RIMS2: variants seen among roughly 807,000 people sequenced by gnomAD.
RIMS2 encodes regulating synaptic membrane exocytosis protein 2.
In RIMS2, 59 loss-of-function variants were observed where a neutral mutation model predicts 174.4. The observed-to-expected ratio is 0.34, with a 90% CI of 0.27 to 0.42. RIMS2 has a LOEUF of 0.42. Among genes scored for constraint, RIMS2 ranks in the 10% least tolerant of loss-of-function variants. The pLI, the probability that RIMS2 is intolerant of heterozygous loss-of-function variation, is 1.00. For synonymous variants in RIMS2, 606 were observed against 572.5 expected, an observed-to-expected ratio of 1.06 and a Z score of -0.84; for missense variants, 1,620 against 1,666.3, an observed-to-expected ratio of 0.97 and a Z score of 0.48.
intron 1 of RIMS2, among the ~76,000 whole-genome samples, chr8:103,695,337 A>T (rs565823318): frequency 6.6e-6 from 1 of 152,114 alleles, no homozygotes; most frequent in Admixed American, 6.6e-5. Flanking sequence ...TGCTTATGTC[A>T]GTCTCCATTG....
chr8:103,939,041 C>T (rs1217646588), intron 13 of RIMS2, among the ~76,000 whole-genome samples: 1 of 152,148 alleles, frequency 6.6e-6, no homozygotes, highest in African/African-American at 2.4e-5. Flanking sequence ...CCCAGGTGCA[C>T]AGTGCAAGCT....
chr8:103,522,581 C>A (rs1832238127), intron 1 of RIMS2, among the ~76,000 whole-genome samples: 1 of 152,076 alleles, frequency 6.6e-6, no homozygotes, highest in South Asian at 2.1e-4. Flanking sequence ...TGTCATTTTC[C>A]CATTTGATAC....
At chr8:104,213,325 T>C (rs1165130371) in intron 19 of RIMS2, among the ~76,000 whole-genome samples, 2 of 152,080 alleles carry the variant, frequency 1.3e-5, no homozygotes, top group Non-Finnish European at 2.9e-5. Context: ...AGAAAAGTCT[T>C]CTTCCTTCTG....
At chr8:103,805,414 T>A (rs920413353) in intron 3 of RIMS2, among the ~76,000 whole-genome samples, 1 of 152,132 alleles carries the variant, frequency 6.6e-6, no homozygotes, top group Non-Finnish European at 1.5e-5. Flanking sequence ...AAATAAATAG[T>A]ACAGAGAGTC....
intron 19 of RIMS2, among the ~76,000 whole-genome samples, chr8:104,112,725 C>G (rs889413275): frequency 6.6e-6 from 1 of 152,170 alleles, no homozygotes; most frequent in Non-Finnish European, 1.5e-5. Flanking sequence ...ATTTTAGGTT[C>G]ATGGGAGCAA....
chr8:103,619,166 A>ATTCTT (rs2095575183), intron 1 of RIMS2, among the ~76,000 whole-genome samples: 1 of 151,968 alleles, frequency 6.6e-6, no homozygotes, highest in Non-Finnish European at 1.5e-5. Flanking sequence ...AAGTAACAAG[A>ATTCTT]GAACCAAAAC....
At chr8:103,613,591 T>A (rs2095437459) in intron 1 of RIMS2, among the ~76,000 whole-genome samples, 1 of 152,162 alleles carries the variant, frequency 6.6e-6, no homozygotes, top group Non-Finnish European at 1.5e-5. Flanking sequence ...ATAGTTTCCT[T>A]TAGGTCTCCC....
chr8:103,791,161 G>A (rs528889111), intron 3 of RIMS2, among the ~76,000 whole-genome samples: 1 of 152,150 alleles, frequency 6.6e-6, no homozygotes, highest in Non-Finnish European at 1.5e-5. Flanking sequence ...AATGTTAAGG[G>A]CAGCCAGAGA....
chr8:103,608,585 C>G lies in RIMS2; in HGVS notation c.177-88501C>G, dbSNP rs1257856036. On this transcript the variant is annotated intron_variant, in intron 1 of 23. Transcript: ENST00000504942. ...CTGGGCAATGGTGGGCGCCCCTCCC[C>G]CAGCCTCGCTGCCGCCTTGCAGTTT... Among the ~76,000 whole-genome samples the G allele has an allele frequency of 6.8e-5, 10 of 148,044 alleles. 1 individual carries two copies. The highest frequency in any genetic ancestry group is 1.0e-4 in the African/African-American group (4 of 39,576).
chr8:104,028,553 C>T (rs1470884986), intron 19 of RIMS2, among the ~76,000 whole-genome samples: 4 of 152,076 alleles, frequency 2.6e-5, no homozygotes, highest in Admixed American at 1.3e-4. Flanking sequence ...GCTTGAGTTT[C>T]AGTATAAAGC....
chr8:104,100,978 G>T (rs368303876), intron 19 of RIMS2, among the ~76,000 whole-genome samples: 4 of 104,316 alleles, frequency 3.8e-5, no homozygotes, highest in Admixed American at 2.0e-4. Flanking sequence ...TAGTATATAT[G>T]ATATATTATA....
intron 19 of RIMS2, among the ~76,000 whole-genome samples, chr8:104,067,860 G>A (rs921894015): frequency 6.6e-5 from 10 of 152,030 alleles, no homozygotes; most frequent in African/African-American, 1.9e-4. Context: ...GAGGCTTACC[G>A]TCTTGCTTTC....
intron 19 of RIMS2, among the ~76,000 whole-genome samples, chr8:104,079,886 G>A (rs1277311728): frequency 4.0e-5 from 6 of 151,614 alleles, no homozygotes; most frequent in East Asian, 1.9e-4. Flanking sequence ...GTGAATGAAC[G>A]TGGACGTGGA....
chr8:103,728,967 T>C (rs1003225550), intron 2 of RIMS2, among the ~76,000 whole-genome samples: 4 of 152,056 alleles, frequency 2.6e-5, no homozygotes, highest in Non-Finnish European at 5.9e-5. Context: ...TATTGTTGAA[T>C]TTGGTTTGCT....
chr8:103,528,169 G>A (rs1388268452), intron 1 of RIMS2, among the ~76,000 whole-genome samples: 1 of 151,818 alleles, frequency 6.6e-6, no homozygotes, highest in Admixed American at 6.6e-5. Context: ...TCATATGTCT[G>A]TTGGCTGCAC....
At chr8:103,990,538 G>C (rs1040425419) in intron 17 of RIMS2, among the ~76,000 whole-genome samples, 1 of 151,952 alleles carries the variant, frequency 6.6e-6, no homozygotes, top group African/African-American at 2.4e-5. Context: ...GGTAATTATA[G>C]ACATGCTACA....
intron 19 of RIMS2, among the ~76,000 whole-genome samples, chr8:104,112,656 A>T (rs1332589047): frequency 1.3e-5 from 2 of 152,220 alleles, no homozygotes; most frequent in Non-Finnish European, 2.9e-5. Flanking sequence ...CTACAAAAGA[A>T]AAAGAACTTG....
At chr8:104,009,735 T>A (rs2095696995) in intron 17 of RIMS2, among the ~76,000 whole-genome samples, 1 of 152,200 alleles carries the variant, frequency 6.6e-6, no homozygotes, top group South Asian at 2.1e-4. Flanking sequence ...AGGAAAAGAA[T>A]AATTCCTAAG....
rs374719834 is a variant in RIMS2 at position 103,907,721 on chromosome 8, G to GT, written c.1625-2405dup. Among the ~76,000 whole-genome samples the GT allele has an allele frequency of 2.1e-3, 312 of 150,240 alleles. 4 individuals are homozygous for GT. Among genetic ancestry groups the GT allele is most frequent in the South Asian group, 0.02 (97 of 4,740 alleles). On this transcript the variant is annotated intron_variant, in intron 4 of 23. Coordinates refer to ENST00000504942, the Ensembl canonical transcript of RIMS2. ...TCCAGATCAAAACTTTGAATTTTTT[G>GT]TTTTTTTTATTTTATTTTATTTTTA...
Sources: gnomAD v4.1 joint callset for allele counts (sites outside exome capture counted in the v4.1 genomes callset) on GRCh38, gnomAD v4.1.1 for gene constraint, MANE v1.5 for transcripts, NCBI Gene and HGNC (gene_info 2026-07-23, HGNC 2026-07-21) for gene names.